Variants in ADGRL3 observed in about 807,000 individuals in gnomAD.
ADGRL3 encodes the protein calcium-independent alpha-latrotoxin receptor 3.
Under a neutral mutation model 153.5 loss-of-function variants are expected in ADGRL3, and 62 were observed. The observed-to-expected ratio is 0.40, with a 90% CI of 0.33 to 0.50. ADGRL3 has a LOEUF of 0.50. Among genes scored for constraint, ADGRL3 ranks in the 20% least tolerant of loss-of-function variants. The probability of loss-of-function intolerance (pLI) is 0.47; values close to 1 mark genes in which losing one functional copy is unlikely to be tolerated. For synonymous variants in ADGRL3, 710 were observed against 672.5 expected, an observed-to-expected ratio of 1.06 and a Z score of -0.86; for missense variants, 1,641 against 1,859.4, an observed-to-expected ratio of 0.88 and a Z score of 2.16.
chr4:61,375,442 T>C (rs2096592080), intron 1 of ADGRL3, among the ~76,000 whole-genome samples: 1 of 152,112 alleles, frequency 6.6e-6, no homozygotes, highest in South Asian at 2.1e-4. Context: ...GGACAAGATT[T>C]CCTACATCCA....
rs144438910 is a variant in ADGRL3, at chr4:61,564,437, G to T, written c.260-22790G>T. Among the ~76,000 whole-genome samples, 324 of 152,166 alleles carry T rather than the reference G, an allele frequency of 2.1e-3. 1 individual carries two copies. Among genetic ancestry groups the T allele is most frequent in the Non-Finnish European group, 4.0e-3 (275 of 68,002 alleles). ...CTACAGGTGCACACCACAATGCCTG[G>T]CTGATTTCTGTATTTTTTGTAGAGA... is the stretch of plus-strand genomic sequence containing the variant. On this transcript the variant is annotated intron_variant, in intron 4 of 26. Transcript: ENST00000683033.
In ADGRL3 at chr4:61,392,684, C is replaced by CAAAAAAAAAAAAAAAAAAAAAAAA. The variant is rs397993633; in HGVS notation, c.-174+9517_-174+9518insAAAAAAAAAAAAAAAAAAAAAAAA. 2.8e-3 allele frequency among the ~76,000 whole-genome samples: 38 copies of CAAAAAAAAAAAAAAAAAAAAAAAA among 13,370 alleles called. 5 individuals are homozygous for CAAAAAAAAAAAAAAAAAAAAAAAA. The highest frequency in any genetic ancestry group is 5.1e-3 in the Admixed American group (3 of 586). The allele number at this position is 13,370 out of a possible 152,430, so 8.8% of individuals were successfully genotyped here. A position where few individuals can be genotyped will look rare whatever the true frequency, so the allele number is the denominator to read the frequency against. Reference sequence around the variant, plus strand: ...CTGGTGACAGAGCGAGACTCCATCTCAAAAAAAAAAAAAAAAAAAAAAGAA... The same window carrying CAAAAAAAAAAAAAAAAAAAAAAAA: ...CTGGTGACAGAGCGAGACTCCATCTCAAAAAAAAAAAAAAAAAAAAAAAAAAAAAAAAAAAAAAAAAAAAAAGAA... On this transcript the variant is annotated intron_variant, in intron 2 of 26. Transcript: ENST00000683033.
intron 21 of ADGRL3, among the ~76,000 whole-genome samples, chr4:62,016,451 GT>G (rs1452974061): frequency 6.6e-6 from 1 of 152,116 alleles, no homozygotes; most frequent in African/African-American, 2.4e-5. Flanking sequence ...AATGAGCTAA[GT>G]TTCCAACACC....
intron 1 of ADGRL3, among the ~76,000 whole-genome samples, chr4:61,224,412 T>G (rs1746989643): frequency 6.6e-6 from 1 of 152,222 alleles, no homozygotes; most frequent in Non-Finnish European, 1.5e-5. Flanking sequence ...GTTCTTTCAT[T>G]TTTAATAGTT....
chr4:61,788,258 C>G (rs1328917206), intron 8 of ADGRL3, among the ~76,000 whole-genome samples: 1 of 152,142 alleles, frequency 6.6e-6, no homozygotes, highest in Non-Finnish European at 1.5e-5. Context: ...GTGCAGCAAT[C>G]AAAACTACAA....
At chr4:61,304,231 T>C (rs897165373) in intron 1 of ADGRL3, among the ~76,000 whole-genome samples, 3 of 152,356 alleles carry the variant, frequency 2.0e-5, no homozygotes, top group Admixed American at 2.0e-4. Flanking sequence ...TGATTCAATC[T>C]TTGTTTCTCA....
At chr4:62,068,287 A>C in intron 26 of ADGRL3, 104 bp downstream of exon 26, 1 of 1,063,974 alleles carries the variant, frequency 9.4e-7, no homozygotes, top group Non-Finnish European at 1.3e-6. Context: ...AGTTCATCTC[A>C]CAATTTAAAA....
chr4:61,993,716 G>A (rs1210456456), intron 19 of ADGRL3, among the ~76,000 whole-genome samples: 1 of 149,986 alleles, frequency 6.7e-6, no homozygotes, highest in Non-Finnish European at 1.5e-5. Flanking sequence ...CCTCTCTGTC[G>A]CTCTTTTTCA....
intron 21 of ADGRL3, among the ~76,000 whole-genome samples, chr4:62,003,711 A>G (rs144950921): frequency 1.3e-3 from 194 of 152,256 alleles, no homozygotes; most frequent in African/African-American, 4.5e-3. Flanking sequence ...CTCTATCAAA[A>G]TCCCATTAGA....
At chr4:61,974,151 A>G (rs1275909593) in intron 17 of ADGRL3, among the ~76,000 whole-genome samples, 1 of 152,026 alleles carries the variant, frequency 6.6e-6, no homozygotes, top group Non-Finnish European at 1.5e-5. Context: ...TATTTCTTGT[A>G]GAGATGGAGT....
chr4:61,738,582 G>GA (rs1015647913), intron 8 of ADGRL3, among the ~76,000 whole-genome samples: 5 of 151,632 alleles, frequency 3.3e-5, no homozygotes, highest in African/African-American at 9.7e-5. Context: ...GGAAAGACAT[G>GA]AAAAAAAAGC....
At chr4:61,291,627 A>T (rs202223188) in intron 1 of ADGRL3, among the ~76,000 whole-genome samples, 26 of 137,840 alleles carry the variant, frequency 1.9e-4, no homozygotes, top group East Asian at 6.2e-4. Context: ...TATATATATA[A>T]AATATTTATT....
Position 61,368,705 on chromosome 4 carries a change from A to G in ADGRL3, c.-239-14419A>G, listed in dbSNP as rs964371000. 9.9e-5 allele frequency among the ~76,000 whole-genome samples: 15 copies of G among 151,978 alleles called. No individual in the cohort carries two copies. The East Asian group carries it at 1.2e-3, about 12-fold the overall frequency. The stretch of plus-strand genomic sequence containing the variant: ...TCTTTTGGCTTAAGATTGACTTGGC[A>G]ATGCGGGCTCTTTTTTGGTTCCATA... On this transcript the variant is annotated intron_variant, in intron 1 of 26. Coordinates refer to ENST00000683033, the MANE Select transcript of ADGRL3 (RefSeq NM_001387552.1).
intron 2 of ADGRL3, among the ~76,000 whole-genome samples, chr4:61,473,180 A>C (rs1266080894): frequency 1.4e-5 from 2 of 147,116 alleles, no homozygotes; most frequent in Non-Finnish European, 3.0e-5. Flanking sequence ...TTCGGCAGTG[A>C]AAGGAAAAAA....
At chr4:61,644,420 G>T (rs1168805500) in intron 5 of ADGRL3, among the ~76,000 whole-genome samples, 1 of 151,828 alleles carries the variant, frequency 6.6e-6, no homozygotes, top group African/African-American at 2.4e-5. Flanking sequence ...TTCTCTTGTG[G>T]GCATTTAGCG....
intron 9 of ADGRL3, among the ~76,000 whole-genome samples, chr4:61,850,159 A>G (rs1022968741): frequency 6.6e-6 from 1 of 152,148 alleles, no homozygotes; most frequent in African/African-American, 2.4e-5. Context: ...TCTAATATTT[A>G]CTGAGCACAT....
At chr4:61,937,556 C>T (rs1418038683) in intron 15 of ADGRL3, among the ~76,000 whole-genome samples, 1 of 151,882 alleles carries the variant, frequency 6.6e-6, no homozygotes, top group Admixed American at 6.6e-5. Flanking sequence ...CTCCTCTTTC[C>T]CAATCACTCT....
chr4:62,053,621 A>G (rs1201794161), intron 25 of ADGRL3, among the ~76,000 whole-genome samples: 7 of 151,534 alleles, frequency 4.6e-5, no homozygotes, highest in Admixed American at 4.6e-4. Context: ...AATAGAAACA[A>G]TATGTTTCCT....
chr4:61,208,584 T>C (rs1373786522), intron 1 of ADGRL3, among the ~76,000 whole-genome samples: 3 of 152,196 alleles, frequency 2.0e-5, no homozygotes, highest in Non-Finnish European at 4.4e-5. Flanking sequence ...TAAAATTTCA[T>C]ATAAAAGATA....
Sources: gnomAD v4.1 joint callset for allele counts (sites outside exome capture counted in the v4.1 genomes callset) on GRCh38, gnomAD v4.1.1 for gene constraint, MANE v1.5 for transcripts, NCBI Gene and HGNC (gene_info 2026-07-23, HGNC 2026-07-21) for gene names.